GALNT13: variants seen among roughly 807,000 people sequenced by gnomAD.
GALNT13 encodes polypeptide N-acetylgalactosaminyltransferase 13.
A neutral mutation model predicts 64.2 loss-of-function variants in GALNT13; 28 were observed. The observed-to-expected ratio is 0.44, with a 90% CI of 0.32 to 0.60. The LOEUF is 0.60. GALNT13 is among the 20% of genes least tolerant of loss of function. The pLI is 0.05. For synonymous variants in GALNT13, 214 were observed against 224.6 expected (o/e 0.95, Z 0.42); for missense variants, 577 against 669.8 (o/e 0.86, Z 1.53).
the GALNT13 span, among the ~76,000 whole-genome samples, chr2:153,542,350 ACACACAC>A: frequency 0.31 from 41,101 of 133,442 alleles, 5,822 homozygotes; most frequent in South Asian, 0.46. Context: ...AAACAAACAC[ACACACAC>A]ACAAAAAAAA....
the GALNT13 span, among the ~76,000 whole-genome samples, chr2:153,728,903 T>G: frequency 6.6e-6 from 1 of 152,160 alleles, no homozygotes; most frequent in Non-Finnish European, 1.5e-5. Flanking sequence ...ATTGATAAAT[T>G]CCTGGACACA....
intron 3 of GALNT13, among the ~76,000 whole-genome samples, chr2:154,000,459 C>T (rs1695831218): frequency 1.3e-5 from 2 of 152,010 alleles, no homozygotes; most frequent in South Asian, 4.1e-4. Flanking sequence ...AAAATTTTCT[C>T]ATAGAACTAT....
chr2:154,336,802 A>G (rs1157393366), intron 9 of GALNT13, among the ~76,000 whole-genome samples: 2 of 152,082 alleles, frequency 1.3e-5, no homozygotes, highest in Admixed American at 6.6e-5. Flanking sequence ...TGAAATTACT[A>G]CTAGTTAACT....
At chr2:153,868,290 A>AG (rs1286403814), upstream of GALNT13, among the ~76,000 whole-genome samples, 3 of 152,142 alleles carry the variant, frequency 2.0e-5, no homozygotes, top group Admixed American at 6.5e-5. Flanking sequence ...AACCTATTGC[A>AG]GTGCTTAGCT....
At chr2:154,419,584 T>A (rs192527361) in intron 11 of GALNT13, among the ~76,000 whole-genome samples, 1 of 152,284 alleles carries the variant, frequency 6.6e-6, no homozygotes, top group Admixed American at 6.5e-5. Flanking sequence ...TTTCATGGGA[T>A]CCTACATTGA....
At chr2:154,336,480 C>T (rs1366784321) in intron 9 of GALNT13, among the ~76,000 whole-genome samples, 2 of 152,066 alleles carry the variant, frequency 1.3e-5, no homozygotes, top group Non-Finnish European at 2.9e-5. Context: ...GGGCTCATTT[C>T]ATTTAGAATC....
intron 3 of GALNT13, among the ~76,000 whole-genome samples, chr2:154,034,164 A>G (rs1451886043): frequency 6.6e-6 from 1 of 152,148 alleles, no homozygotes; most frequent in Non-Finnish European, 1.5e-5. Flanking sequence ...ACAAAATCTT[A>G]TACGTAAATA....
rs75481262 is a variant in GALNT13 at position 154,358,756 on chromosome 2, C to T, written c.1157-37235C>T. On this transcript the variant is annotated intron_variant, in intron 9 of 12. Transcript: ENST00000392825. ...TTTCTTTGCATCATTCCAATGTTTA[C>T]GCTGCTAACTTAACTACTTAGATAC... Among the ~76,000 whole-genome samples, 1,268 of 152,098 alleles carry T rather than the reference C, an allele frequency of 8.3e-3. 17 individuals carry two copies. Among genetic ancestry groups the T allele is most frequent in the African/African-American group, 0.029 (1,205 of 41,514 alleles).
chr2:153,412,370 A>T, the GALNT13 span, among the ~76,000 whole-genome samples: 1 of 152,222 alleles, frequency 6.6e-6, no homozygotes, highest in African/African-American at 2.4e-5. Flanking sequence ...TCTTGTTAAA[A>T]GAAAAACATG....
At chr2:154,195,536 A>T (rs1686831484) in intron 4 of GALNT13, among the ~76,000 whole-genome samples, 1 of 152,020 alleles carries the variant, frequency 6.6e-6, no homozygotes, top group South Asian at 2.1e-4. Context: ...GAAATATATC[A>T]CCCTAAATTC....
chr2:154,317,625 A>G (rs192593927), intron 9 of GALNT13, among the ~76,000 whole-genome samples: 204 of 152,292 alleles, frequency 1.3e-3, no homozygotes, highest in Non-Finnish European at 1.7e-3. Context: ...TCTTCTAATA[A>G]AAAGCTTTTC....
At chr2:153,120,079 G>C in the GALNT13 span, among the ~76,000 whole-genome samples, 1 of 152,116 alleles carries the variant, frequency 6.6e-6, no homozygotes, top group Non-Finnish European at 1.5e-5. Context: ...ACAAAGTTTT[G>C]AGTGTGTTAA....
intron 3 of GALNT13, among the ~76,000 whole-genome samples, chr2:154,122,913 T>C (rs190633110): frequency 2.6e-5 from 4 of 151,924 alleles, no homozygotes; most frequent in South Asian, 2.1e-4. Context: ...TAAAGACAAA[T>C]TGAAAATCTT....
intron 9 of GALNT13, among the ~76,000 whole-genome samples, chr2:154,336,755 G>A (rs1207498839): frequency 2.0e-5 from 3 of 151,918 alleles, no homozygotes; most frequent in Admixed American, 1.3e-4. Flanking sequence ...GTTGTTTAAA[G>A]TTTTAATGTC....
the GALNT13 span, among the ~76,000 whole-genome samples, chr2:153,859,019 C>T: frequency 6.6e-6 from 1 of 152,184 alleles, no homozygotes; most frequent in Non-Finnish European, 1.5e-5. Flanking sequence ...CAGGCATGAG[C>T]CACATGTCTG....
chr2:154,270,547 A>C (rs1201748897), intron 8 of GALNT13, among the ~76,000 whole-genome samples: 2 of 151,968 alleles, frequency 1.3e-5, no homozygotes, highest in East Asian at 1.9e-4. Flanking sequence ...GAAATGATTC[A>C]AAACAAAGCA....
the GALNT13 span, among the ~76,000 whole-genome samples, chr2:153,224,818 C>T: frequency 6.6e-6 from 1 of 152,114 alleles, no homozygotes. Flanking sequence ...GCACGAGTAG[C>T]CCTTTACATA....
At chr2:153,611,623 A>G in the GALNT13 span, among the ~76,000 whole-genome samples, 4 of 150,708 alleles carry the variant, frequency 2.7e-5, no homozygotes, top group South Asian at 4.2e-4. Flanking sequence ...AGCCTTCCCA[A>G]AGTGCTGGGA....
At chr2:153,520,555 G>A in the GALNT13 span, among the ~76,000 whole-genome samples, 1 of 152,002 alleles carries the variant, frequency 6.6e-6, no homozygotes, top group African/African-American at 2.4e-5. Flanking sequence ...TTTATTTTCT[G>A]GTCAGAAAAG....
Sources: gnomAD v4.1 joint callset for allele counts (sites outside exome capture counted in the v4.1 genomes callset) on GRCh38, gnomAD v4.1.1 for gene constraint, MANE v1.5 for transcripts, NCBI Gene and HGNC (gene_info 2026-07-23, HGNC 2026-07-21) for gene names.